Variants in CHL1 observed in about 807,000 individuals in gnomAD.
The protein encoded by CHL1 is neural cell adhesion molecule L1-like protein.
A neutral mutation model predicts 141.9 loss-of-function variants in CHL1; 96 were observed. The observed-to-expected ratio is 0.68, with a 90% CI of 0.57 to 0.80. The LOEUF is 0.80. CHL1 is among the 30% of genes least tolerant of loss of function. The probability of loss-of-function intolerance (pLI) is 0.00; values close to 1 mark genes in which losing one functional copy is unlikely to be tolerated. For missense variants in CHL1, 1,820 were observed against 1,457.2 expected (o/e 1.25, Z -4.05); for synonymous variants, 613 against 502.2 (o/e 1.22, Z -2.95).
intron 2 of CHL1, among the ~76,000 whole-genome samples, chr3:286,627 A>AAAT (rs972493633): frequency 7.9e-5 from 12 of 151,444 alleles, no homozygotes; most frequent in African/African-American, 2.9e-4. Context: ...AAAAAAAAAA[A>AAAT]ATTAAACAAA....
At chr3:360,076 A>G (rs557911493) in intron 11 of CHL1, among the ~76,000 whole-genome samples, 29 of 152,320 alleles carry the variant, frequency 1.9e-4, no homozygotes, top group African/African-American at 6.7e-4. Flanking sequence ...CTAAATATTA[A>G]CTTGAAAGAT....
Position 391,608 on chromosome 3 carries a change from A to T in CHL1, c.2792-67A>T, listed in dbSNP as rs944698286. Reference sequence around the variant, plus strand: ...GCTTGTCAATTTCTATAAAATTTATAATATAATAAGGCTTTTTTGAATTTT... The same window carrying T: ...GCTTGTCAATTTCTATAAAATTTATTATATAATAAGGCTTTTTTGAATTTT... On this transcript the variant is annotated intron_variant, in intron 22 of 27. Transcript: ENST00000256509. 10 of 1,081,432 alleles carry T rather than the reference A, an allele frequency of 9.2e-6. No individual in the cohort carries two copies. In the African/African-American group the frequency reaches 1.3e-4, roughly 14 times the overall value. The allele number at this position is 1,081,432 out of a possible 1,614,324, so 67.0% of individuals were successfully genotyped here.
At chr3:322,603 A>T (rs1700657537) in intron 3 of CHL1, among the ~76,000 whole-genome samples, 1 of 146,190 alleles carries the variant, frequency 6.8e-6, no homozygotes, top group Non-Finnish European at 1.5e-5. Context: ...CCAGCCTGGC[A>T]AATGTAATGA....
chr3:343,045 A>G lies in CHL1; in HGVS notation c.727+14A>G. 2 of 1,601,714 alleles carry G rather than the reference A, an allele frequency of 1.2e-6. No homozygotes were observed. The highest frequency in any genetic ancestry group is 1.1e-5 in the South Asian group (1 of 88,940). ...TTGGTTCCAAGGGTAAGTTGAACCC[A>G]TGTGGAGTGTTGGCATTTGTGTATA... On this transcript the variant is annotated intron_variant, in intron 8 of 27. Coordinates refer to ENST00000256509, the MANE Select transcript of CHL1 (RefSeq NM_006614.4).
intron 19 of CHL1, among the ~76,000 whole-genome samples, chr3:387,642 G>A (rs1164060990): frequency 6.6e-6 from 1 of 152,118 alleles, no homozygotes; most frequent in Admixed American, 6.5e-5. Context: ...CTTATTGTCA[G>A]CAGAGACTGA....
chr3:385,224 T>G (rs910965492), intron 19 of CHL1, among the ~76,000 whole-genome samples: 1 of 152,234 alleles, frequency 6.6e-6, no homozygotes, highest in Non-Finnish European at 1.5e-5. Flanking sequence ...TCAGTAATAC[T>G]GTGTATTTGC....
At chr3:242,555 C>G (rs891578051) in intron 1 of CHL1, among the ~76,000 whole-genome samples, 1 of 151,894 alleles carries the variant, frequency 6.6e-6, no homozygotes, top group South Asian at 2.1e-4. Flanking sequence ...GAGATTGTGC[C>G]ACTGCACTCC....
chr3:276,607 G>C (rs776283698), intron 2 of CHL1, among the ~76,000 whole-genome samples: 5 of 152,048 alleles, frequency 3.3e-5, no homozygotes, highest in South Asian at 2.1e-4. Flanking sequence ...ATGGGCTCTG[G>C]GGCTGGGCAC....
chr3:274,074 T>C (rs1430157689), intron 2 of CHL1, among the ~76,000 whole-genome samples: 1 of 152,188 alleles, frequency 6.6e-6, no homozygotes, highest in Non-Finnish European at 1.5e-5. Flanking sequence ...ACTGACCTTT[T>C]CCTCCTTAGT....
At chr3:318,686 A>G (rs904534964) in intron 2 of CHL1, among the ~76,000 whole-genome samples, 3 of 151,262 alleles carry the variant, frequency 2.0e-5, no homozygotes, top group Non-Finnish European at 4.4e-5. Flanking sequence ...ACATTTGTAA[A>G]TTTCAGTTAA....
chr3:327,074 G>C (rs1009869570), intron 4 of CHL1, among the ~76,000 whole-genome samples: 5 of 151,800 alleles, frequency 3.3e-5, no homozygotes, highest in Non-Finnish European at 1.5e-5. Context: ...GAATTATTAT[G>C]TCAAAAGGTA....
chr3:327,320 A>G (rs1042196845), intron 4 of CHL1, among the ~76,000 whole-genome samples: 6 of 151,938 alleles, frequency 3.9e-5, no homozygotes, highest in Non-Finnish European at 5.9e-5. Flanking sequence ...TTGGGAAGTC[A>G]TTGTTTGTCT....
chr3:252,265 T>G (rs13317655), intron 2 of CHL1, among the ~76,000 whole-genome samples: 2 of 148,788 alleles, frequency 1.3e-5, no homozygotes, highest in African/African-American at 4.9e-5. Context: ...TCACTTAAAT[T>G]ACTATTGTTT....
intron 1 of CHL1, among the ~76,000 whole-genome samples, chr3:228,408 T>C (rs1043982819): frequency 1.3e-5 from 2 of 152,110 alleles, no homozygotes; most frequent in Non-Finnish European, 2.9e-5. Context: ...TTTATGTAGA[T>C]ATTAAGTGTT....
At chr3:377,465 C>G (rs2125364294) in intron 15 of CHL1, among the ~76,000 whole-genome samples, 1 of 152,146 alleles carries the variant, frequency 6.6e-6, no homozygotes, top group East Asian at 1.9e-4. Flanking sequence ...AGGTGATTCC[C>G]TAAACATACC....
At position 383,766 on chromosome 3, in the gene CHL1, T is replaced by C. The variant is rs544637913; in HGVS notation, c.2177-50T>C. 109 of 1,360,726 alleles carry C rather than the reference T, an allele frequency of 8.0e-5. No homozygotes were observed. In the East Asian group the frequency reaches 2.4e-3, roughly 30 times the overall value. The allele number at this position is 1,360,726 out of a possible 1,614,324, so 84.3% of individuals were successfully genotyped here. A position where few individuals can be genotyped will look rare whatever the true frequency, so the allele number is the denominator to read the frequency against. ...GGGGCAGGAGTTGTGATATGATGAC[T>C]TACCTATGGGTTAAAAGGAAAAATA... On this transcript the variant is annotated intron_variant, in intron 18 of 27. Coordinates refer to ENST00000256509, the MANE Select transcript of CHL1 (RefSeq NM_006614.4).
At chr3:247,073 A>G (rs539221354) in intron 2 of CHL1, 2 of 151,478 alleles carry the variant, frequency 1.3e-5, no homozygotes, top group South Asian at 2.1e-4. Flanking sequence ...AGAGAATAGT[A>G]TTTTCATTTC....
chr3:325,051 CT>C, intron 3 of CHL1, among the ~76,000 whole-genome samples: 1 of 151,144 alleles, frequency 6.6e-6, no homozygotes, highest in South Asian at 2.1e-4. Flanking sequence ...GTTAAATTCT[CT>C]AAGGAAACAG....
chr3:339,671 C>T (rs765139225), intron 5 of CHL1, among the ~76,000 whole-genome samples: 9 of 152,220 alleles, frequency 5.9e-5, no homozygotes, highest in Middle Eastern at 3.4e-3. Flanking sequence ...GCTGGTGCAT[C>T]GATAAGAGAA....
Sources: gnomAD v4.1 joint callset for allele counts (sites outside exome capture counted in the v4.1 genomes callset) on GRCh38, gnomAD v4.1.1 for gene constraint, MANE v1.5 for transcripts, NCBI Gene and HGNC (gene_info 2026-07-23, HGNC 2026-07-21) for gene names.